CD163L1: variants seen among roughly 807,000 people sequenced by gnomAD.
The protein encoded by CD163L1 is CD163 molecule like 1.
In CD163L1, 124 loss-of-function variants were observed where a neutral mutation model predicts 165.4. The observed-to-expected ratio is 0.75, with a 90% CI of 0.65 to 0.87. The LOEUF is 0.87. CD163L1 is among the 40% of genes least tolerant of loss of function. The pLI, the probability that CD163L1 is intolerant of heterozygous loss-of-function variation, is 0.00. For synonymous variants in CD163L1, 585 were observed against 662.2 expected, an observed-to-expected ratio of 0.88 and a Z score of 1.79; for missense variants, 1,525 against 1,799.9, an observed-to-expected ratio of 0.85 and a Z score of 2.76.
intron 8 of CD163L1, among the ~76,000 whole-genome samples, chr12:7,386,669 C>T (rs1468179771): frequency 6.8e-6 from 1 of 146,416 alleles, no homozygotes; most frequent in African/African-American, 2.5e-5. Flanking sequence ...GATGATTGAA[C>T]ATATGCAAAT....
At chr12:7,430,681 G>A (rs1351388271) in intron 4 of CD163L1, among the ~76,000 whole-genome samples, 1 of 152,082 alleles carries the variant, frequency 6.6e-6, no homozygotes, top group African/African-American at 2.4e-5. Flanking sequence ...TGCCATCATA[G>A]CATATGAATA....
chr12:7,381,961 A>T (rs1947418087), intron 8 of CD163L1, among the ~76,000 whole-genome samples: 2 of 146,278 alleles, frequency 1.4e-5, no homozygotes, highest in Admixed American at 1.4e-4. Flanking sequence ...GAATTAAAAA[A>T]ATATATATTT....
chr12:7,377,274 T>G (rs1328630823), intron 9 of CD163L1, among the ~76,000 whole-genome samples: 2 of 152,324 alleles, frequency 1.3e-5, no homozygotes, highest in African/African-American at 4.8e-5. Flanking sequence ...CCTACCCCAG[T>G]CATTTTATTT....
chr12:7,404,539 T>C (rs1217833318), intron 5 of CD163L1, among the ~76,000 whole-genome samples: 2 of 152,198 alleles, frequency 1.3e-5, no homozygotes, highest in Non-Finnish European at 2.9e-5. Flanking sequence ...TTTTCATGCA[T>C]ACAAATAAAT....
At chr12:7,406,929 A>C (rs1948033620) in intron 4 of CD163L1, 77 bp from the exon 5 acceptor site, 3 of 1,229,418 alleles carry the variant, frequency 2.4e-6, no homozygotes, top group Admixed American at 4.4e-5. Flanking sequence ...TGCTATCCAA[A>C]TAAACACAAA....
rs1336815891 is a variant in CD163L1, at chr12:7,398,505, C to T, written c.1488G>A (p.Glu496=). 1 of 1,613,836 alleles carries T rather than the reference C, an allele frequency of 6.2e-7. No homozygotes were observed. Among genetic ancestry groups the T allele is most frequent in the Non-Finnish European group, 8.5e-7 (1 of 1,179,844 alleles). ...ATCTGTCATGACACACAGTCCCCCA[C>T]TCTCCTTGGTATTTCACCTCCAATC... The part of the protein sequence containing the change: ...YGRLEVKYQG[E]WGTVCHDRWS... Residue 496 remains glutamate (E), a synonymous_variant, in exon 7 of 20, where the codon GAG becomes GAA. Coordinates refer to ENST00000313599, the MANE Select transcript of CD163L1 (RefSeq NM_174941.6). The surrounding 1 kb of genome is among the most constrained non-coding windows in gnomAD (Gnocchi z 4.5).
At chr12:7,336,017 G>T in the CD163L1 span, among the ~76,000 whole-genome samples, 1 of 145,420 alleles carries the variant, frequency 6.9e-6, no homozygotes. Flanking sequence ...AACAGGTGCT[G>T]GAGAGGATGT....
intron 8 of CD163L1, among the ~76,000 whole-genome samples, chr12:7,382,024 A>G (rs1947420977): frequency 6.8e-6 from 1 of 148,014 alleles, no homozygotes; most frequent in African/African-American, 2.4e-5. Context: ...ATGGTTTTAT[A>G]TAGAATTGTT....
intron 8 of CD163L1, among the ~76,000 whole-genome samples, chr12:7,380,936 G>A (rs1947393711): frequency 6.6e-6 from 1 of 152,126 alleles, no homozygotes; most frequent in African/African-American, 2.4e-5. Flanking sequence ...TTTTAGGGCA[G>A]TTTGGTAGCT....
At chr12:7,396,034 G>T in intron 8 of CD163L1, 61 bp downstream of exon 8, 1 of 1,365,068 alleles carries the variant, frequency 7.3e-7, no homozygotes, top group Non-Finnish European at 1.0e-6. Flanking sequence ...TAAGAAGAAA[G>T]AAGGTATGTT....
chr12:7,357,992 G>A (rs1297042369), intron 18 of CD163L1, among the ~76,000 whole-genome samples: 2 of 152,066 alleles, frequency 1.3e-5, no homozygotes, highest in Non-Finnish European at 2.9e-5. Flanking sequence ...AGTTTCCCAT[G>A]AAGCCTGTAA....
chr12:7,327,767 T>A, the CD163L1 span, among the ~76,000 whole-genome samples: 1 of 152,216 alleles, frequency 6.6e-6, no homozygotes, highest in African/African-American at 2.4e-5. Context: ...AATCAGTGAC[T>A]GTTGACTTTC....
chr12:7,324,846 A>C, the CD163L1 span, among the ~76,000 whole-genome samples: 6 of 152,172 alleles, frequency 3.9e-5, no homozygotes, highest in South Asian at 1.2e-3. Context: ...AAAAAAAAAA[A>C]AGCATTTGGC....
At chr12:7,328,238 T>C in the CD163L1 span, 4 of 1,424,672 alleles carry the variant, frequency 2.8e-6, no homozygotes, top group Non-Finnish European at 2.9e-6. Flanking sequence ...GCACGGACAA[T>C]TGGAAGGATG....
chr12:7,389,593 T>C (rs1267638438), intron 8 of CD163L1, among the ~76,000 whole-genome samples: 1 of 152,094 alleles, frequency 6.6e-6, no homozygotes, highest in Non-Finnish European at 1.5e-5. Context: ...ATACCTACTA[T>C]TGATAGCACA....
At chr12:7,426,058 T>C (rs1948535737) in intron 4 of CD163L1, among the ~76,000 whole-genome samples, 1 of 152,140 alleles carries the variant, frequency 6.6e-6, no homozygotes, top group Non-Finnish European at 1.5e-5. Context: ...CCATCAATGA[T>C]AGACTGGATA....
At chr12:7,338,556 G>C in the CD163L1 span, among the ~76,000 whole-genome samples, 10 of 152,150 alleles carry the variant, frequency 6.6e-5, no homozygotes, top group African/African-American at 2.2e-4. Context: ...GAGAAGTCTA[G>C]GGAAACAGGC....
In CD163L1 at chr12:7,378,969, A is replaced by T. The variant is rs1947327475; in HGVS notation, c.2371+9T>A. On this transcript the variant is annotated intron_variant, in intron 9 of 19. Coordinates refer to ENST00000313599, the MANE Select transcript of CD163L1 (RefSeq NM_174941.6). ...TAAATAAATGTGTTTATCTTTGTCC[A>T]GAAATTACCTGAGCAGATCAAACTT... 6.3e-7 allele frequency: 1 copy of T among 1,589,618 alleles called. No homozygotes were observed. The highest frequency in any genetic ancestry group is 8.6e-7 in the Non-Finnish European group (1 of 1,163,882).
Position 7,374,386 on chromosome 12 carries a change from G to T in CD163L1, c.3409+56C>A. ...ACTACACTTTACAATTGTGTTGTGT[G>T]TGTGCAAGTGTGTGCACGTGTGTGT... is the stretch of plus-strand genomic sequence containing the variant. On this transcript the variant is annotated intron_variant, in intron 13 of 19. Transcript: ENST00000313599. This position sits in a 1 kb window ranked among gnomAD's most constrained non-coding sequence, Gnocchi z 5.4. The T allele has an allele frequency of 6.7e-7, 1 of 1,491,178 alleles. No homozygotes were observed. Among genetic ancestry groups the T allele is most frequent in the Non-Finnish European group, 9.1e-7 (1 of 1,101,330 alleles). The allele number at this position is 1,491,178 out of a possible 1,614,324, so 92.4% of individuals were successfully genotyped here.
Sources: allele counts gnomAD v4.1 joint callset (sites outside exome capture counted in the v4.1 genomes callset), GRCh38; gene constraint gnomAD v4.1.1; non-coding constraint Gnocchi (gnomAD v3.1); transcripts MANE v1.5; gene names NCBI Gene and HGNC (gene_info 2026-07-23, HGNC 2026-07-21).